NCKAP1L: variants seen among roughly 807,000 people sequenced by gnomAD.
NCKAP1L encodes NCK associated protein 1 like, also known as nck-associated protein 1-like.
A neutral mutation model predicts 139.2 loss-of-function variants in NCKAP1L; 53 were observed. That is an observed-to-expected ratio of 0.38 (90% CI 0.31 to 0.48). The LOEUF (loss-of-function observed/expected upper bound fraction) is 0.48, where lower values mean the gene tolerates loss of function less well. NCKAP1L is among the 20% of genes least tolerant of loss of function. The pLI, the probability that NCKAP1L is intolerant of heterozygous loss-of-function variation, is 0.98. For missense variants in NCKAP1L, 1,151 were observed against 1,381.9 expected (o/e 0.83, Z 2.65); for synonymous variants, 468 against 499.7 (o/e 0.94, Z 0.85).
intron 1 of NCKAP1L, among the ~76,000 whole-genome samples, chr12:54,499,029 G>T (rs1169634611): frequency 6.6e-6 from 1 of 151,880 alleles, no homozygotes; most frequent in Non-Finnish European, 1.5e-5. Context: ...GGGTTCAAGC[G>T]ATTCTCCTGC....
intron 3 of NCKAP1L, chr12:54,500,926 G>T: frequency 4.9e-6 from 1 of 205,212 alleles, no homozygotes; most frequent in Non-Finnish European, 9.9e-6. Flanking sequence ...ATTATGACTG[G>T]CTTCAATTTA....
intron 7 of NCKAP1L, among the ~76,000 whole-genome samples, chr12:54,510,190 C>G (rs572737855): frequency 2.4e-4 from 36 of 152,188 alleles, no homozygotes; most frequent in African/African-American, 8.7e-4. Context: ...AGTGGTTTAA[C>G]AAAAGTGATC....
In NCKAP1L at chr12:54,519,326, C is replaced by T; in HGVS notation, c.1619C>T (p.Thr540Ile). Residue 540 changes from threonine to isoleucine, a missense_variant, in exon 16 of 31, where the codon ACT becomes ATT. By Grantham distance (89) the Thr-to-Ile change is moderately conservative. Coordinates refer to ENST00000293373, the MANE Select transcript of NCKAP1L (RefSeq NM_005337.5). ...KLLVETSDLSTFCFHLRIFEK... is the reference protein window; with the variant it reads ...KLLVETSDLSIFCFHLRIFEK... ...CTGGTGGAAACTTCTGATCTGTCTA[C>T]TTTCTGGTATGTCTTGGTTCAGAGC... 6.4e-7 allele frequency: 1 copy of T among 1,566,312 alleles called. No homozygotes were observed. The highest frequency in any genetic ancestry group is 8.6e-7 in the Non-Finnish European group (1 of 1,166,526).
chr12:54,513,253 G>A (rs1956902586), intron 9 of NCKAP1L, among the ~76,000 whole-genome samples: 1 of 152,214 alleles, frequency 6.6e-6, no homozygotes, highest in Non-Finnish European at 1.5e-5. Context: ...CTTAAGATAA[G>A]AGAGCATGTG....
chr12:54,497,918 T>C, intron 1 of NCKAP1L, 27 bp downstream of exon 1: 4 of 1,412,914 alleles, frequency 2.8e-6, no homozygotes, highest in Non-Finnish European at 4.0e-6. Flanking sequence ...GGACTAGTAC[T>C]GATTATTCCA....
chr12:54,535,950 A>G (rs751794884), intron 27 of NCKAP1L, among the ~76,000 whole-genome samples, 179 bp from the exon 28 acceptor site: 2 of 152,248 alleles, frequency 1.3e-5, no homozygotes, highest in Middle Eastern at 3.2e-3. Context: ...GGTGGATGCT[A>G]GTCCTGTTTC....
chr12:54,500,411 A>C (rs535168609), intron 2 of NCKAP1L, 122 bp from the exon 3 acceptor site: 1 of 669,228 alleles, frequency 1.5e-6, no homozygotes, highest in African/African-American at 1.8e-5. Context: ...GGTGTGAGCC[A>C]CTGCGCCCGG....
Position 54,536,209 on chromosome 12 carries a change from A to C in NCKAP1L, c.3037A>C (p.Thr1013Pro), listed in dbSNP as rs1592353157. Residue 1013 changes from threonine to proline, a missense_variant, in exon 28 of 31, where the codon ACT becomes CCT. Transcript: ENST00000293373. ...FLAVSLPLLA[T>P]DPSSFYSIEK... ...GGCAGTTTCCCTCCCACTCCTTGCCACTGACCCTTCTTCCTTTTATAGCAT... is the reference window on the plus strand; with the variant it reads ...GGCAGTTTCCCTCCCACTCCTTGCCCCTGACCCTTCTTCCTTTTATAGCAT... 2.5e-6 allele frequency: 4 copies of C among 1,613,170 alleles called. No homozygotes were observed. Among genetic ancestry groups the C allele is most frequent in the Admixed American group, 1.7e-5 (1 of 59,992 alleles).
At position 54,520,793 on chromosome 12, in the gene NCKAP1L, T is replaced by A; in HGVS notation, c.1725T>A (p.Phe575Leu). The change falls in exon 17 of 31, where the codon TTT becomes TTA. Residue 575 changes from phenylalanine (F) to leucine (L), a missense_variant. Coordinates refer to ENST00000293373, the MANE Select transcript of NCKAP1L (RefSeq NM_005337.5). ...CTTTCCCCCTGATTTGTGCTCACTT[T>A]GTCCACTGCACTCATGAGATGTGCC... ...AIAFPLICAH[F>L]VHCTHEMCPE... The A allele has an allele frequency of 6.2e-7, 1 of 1,614,178 alleles. No homozygotes were observed. Among genetic ancestry groups the A allele is most frequent in the Non-Finnish European group, 8.5e-7 (1 of 1,180,018 alleles).
At chr12:54,513,406 T>A (rs913539966) in intron 9 of NCKAP1L, among the ~76,000 whole-genome samples, 4 of 152,160 alleles carry the variant, frequency 2.6e-5, no homozygotes, top group African/African-American at 9.7e-5. Flanking sequence ...TGGATTCAGA[T>A]AAAGATTGCT....
chr12:54,529,986 C>G (rs73310378), intron 22 of NCKAP1L, among the ~76,000 whole-genome samples: 1 of 152,170 alleles, frequency 6.6e-6, no homozygotes, highest in Non-Finnish European at 1.5e-5. Flanking sequence ...CCAAGTTGAT[C>G]GGTCAGGAAA....
At chr12:54,530,105 A>G (rs1342524248) in intron 22 of NCKAP1L, among the ~76,000 whole-genome samples, 1 of 152,184 alleles carries the variant, frequency 6.6e-6, no homozygotes, top group Non-Finnish European at 1.5e-5. Flanking sequence ...GACCAGTTCC[A>G]TTTCCTCTGT....
At chr12:54,524,284 G>A (rs192521744) in intron 20 of NCKAP1L, among the ~76,000 whole-genome samples, 16 of 152,310 alleles carry the variant, frequency 1.1e-4, no homozygotes, top group Admixed American at 3.3e-4. Flanking sequence ...GGAGCAGATC[G>A]TCCAACTTAT....
rs750872343 is a variant in NCKAP1L, at chr12:54,531,736, T to G, written c.2699-7T>G. 2 of 1,610,350 alleles carry G rather than the reference T, an allele frequency of 1.2e-6. No individual in the cohort carries two copies. The highest frequency in any genetic ancestry group is 1.7e-6 in the Non-Finnish European group (2 of 1,176,818). On this transcript the variant is annotated splice_polypyrimidine_tract_variant and splice_region_variant and intron_variant, in intron 24 of 30. Coordinates refer to ENST00000293373, the MANE Select transcript of NCKAP1L (RefSeq NM_005337.5). ...TTATCTTTTCTAACACGCTTCTTTC[T>G]CCTCAGGGGCTGAAAATGTGCTAAA...
intron 3 of NCKAP1L, among the ~76,000 whole-genome samples, chr12:54,507,052 A>C (rs2120890123): frequency 6.6e-6 from 1 of 151,634 alleles, no homozygotes; most frequent in South Asian, 2.1e-4. Context: ...ACAAGCAGGG[A>C]ATATTACCTC....
In NCKAP1L at chr12:54,521,149, C is replaced by T; in HGVS notation, c.1789C>T (p.His597Tyr). Residue 597 changes from histidine (H) to tyrosine (Y), a missense_variant, in exon 18 of 31, where the codon CAC becomes TAC. By Grantham distance (83) the His-to-Tyr change is moderately conservative (BLOSUM62 2). Coordinates refer to ENST00000293373, the MANE Select transcript of NCKAP1L (RefSeq NM_005337.5). ...YPHLKNHGLH[H>Y]CNSFLEELAK... is the part of the protein sequence containing the mutation. ...CCACCTCAAGAACCATGGTCTTCAC[C>T]ACTGCAACTCCTTCCTGGAAGAGTT... 2 of 1,614,070 alleles carry T rather than the reference C, an allele frequency of 1.2e-6. No homozygotes were observed. The highest frequency in any genetic ancestry group is 2.7e-5 in the African/African-American group (2 of 74,994).
Position 54,531,331 on chromosome 12 carries a change from G to A in NCKAP1L, c.2578G>A (p.Val860Met), listed in dbSNP as rs1441865063. Residue 860 changes from valine to methionine, a missense_variant, in exon 23 of 31, where the codon GTG becomes ATG. Val to Met is a conservative substitution (Grantham distance 21). Coordinates refer to ENST00000293373, the MANE Select transcript of NCKAP1L (RefSeq NM_005337.5). ...KFLSENLMWH[V>M]TSQIVELKKL... Reference sequence around the variant, plus strand: ...CCTGAGTGAAAACCTGATGTGGCATGTGACCTCTCAGATTGTGGAGCTGAA... The same window carrying A: ...CCTGAGTGAAAACCTGATGTGGCATATGACCTCTCAGATTGTGGAGCTGAA... 7 of 1,614,014 alleles carry A rather than the reference G, an allele frequency of 4.3e-6. No individual in the cohort carries two copies. Among genetic ancestry groups the A allele is most frequent in the African/African-American group, 1.3e-5 (1 of 74,914 alleles).
chr12:54,524,001 C>A, intron 20 of NCKAP1L, 45 bp downstream of exon 20: 3 of 1,589,612 alleles, frequency 1.9e-6, no homozygotes, highest in African/African-American at 1.3e-5. Flanking sequence ...AGTCTTCATA[C>A]CCTACCATAT....
At position 54,547,520 on chromosome 12, in the gene NCKAP1L, G is replaced by GTA. The variant is rs1397062762; in HGVS notation, c.*4836_*4837insAT. 1 of 151,978 alleles carries GTA rather than the reference G, an allele frequency of 6.6e-6. No homozygotes were observed. Among genetic ancestry groups the GTA allele is most frequent in the Non-Finnish European group, 1.5e-5 (1 of 68,180 alleles). The allele number at this position is 151,978 out of a possible 1,614,324, so 9.4% of individuals were successfully genotyped here. A position where few individuals can be genotyped will look rare whatever the true frequency, so the allele number is the denominator to read the frequency against. ...TGTGTGTGCGTGTGTGTGTGTGTGTGTGTGTGTGTGTGTGAATTAGCCTTA... is the reference window on the plus strand; with the variant it reads ...TGTGTGTGCGTGTGTGTGTGTGTGTGTATGTGTGTGTGTGTGAATTAGCCTTA... On this transcript the variant is annotated 3_prime_UTR_variant, in exon 31 of 31. Transcript: ENST00000293373.
Sources: gnomAD v4.1 joint callset for allele counts (sites outside exome capture counted in the v4.1 genomes callset) on GRCh38, gnomAD v4.1.1 for gene constraint, MANE v1.5 for transcripts, NCBI Gene and HGNC (gene_info 2026-07-23, HGNC 2026-07-21) for gene names.